Variants in SV2C observed in about 807,000 individuals in gnomAD.
SV2C encodes solute carrier family 22 member B3.
SV2C carries 49 observed loss-of-function variants against 79.7 expected under a neutral mutation model. The ratio of observed to expected loss-of-function variants is 0.61; its 90% confidence interval spans 0.49 to 0.78. The LOEUF (loss-of-function observed/expected upper bound fraction) is 0.78, where lower values mean the gene tolerates loss of function less well. Among genes scored for constraint, SV2C ranks in the 30% least tolerant of loss-of-function variants. The pLI is 0.00. For synonymous variants in SV2C, 334 were observed against 333.2 expected, an observed-to-expected ratio of 1.00 and a Z score of -0.03; for missense variants, 833 against 912.9, an observed-to-expected ratio of 0.91 and a Z score of 1.13.
intron 4 of SV2C, among the ~76,000 whole-genome samples, chr5:76,221,843 G>T (rs1745073522): frequency 6.6e-6 from 1 of 152,126 alleles, no homozygotes; most frequent in African/African-American, 2.4e-5. Context: ...ACATACAGAA[G>T]AGACAAAGGC....
chr5:76,226,674 AT>A (rs1745256829), intron 4 of SV2C, among the ~76,000 whole-genome samples: 1 of 152,208 alleles, frequency 6.6e-6, no homozygotes, highest in South Asian at 2.1e-4. Flanking sequence ...TTGGCAGCTA[AT>A]TCAGGAAGTT....
intron 4 of SV2C, among the ~76,000 whole-genome samples, chr5:76,284,113 A>G (rs1747275354): frequency 6.6e-6 from 1 of 152,136 alleles, no homozygotes; most frequent in Non-Finnish European, 1.5e-5. Flanking sequence ...ATGCCTCATT[A>G]TTTCTCATTT....
At chr5:76,030,883 T>G in the SV2C span, among the ~76,000 whole-genome samples, 7 of 152,136 alleles carry the variant, frequency 4.6e-5, no homozygotes, top group Non-Finnish European at 8.8e-5. Flanking sequence ...GGGGTGATAT[T>G]CAAAATACCT....
intron 4 of SV2C, among the ~76,000 whole-genome samples, chr5:76,223,120 C>G (rs1005962325): frequency 3.3e-5 from 5 of 152,058 alleles, no homozygotes; most frequent in African/African-American, 1.2e-4. Flanking sequence ...GCCAAGCATT[C>G]AGAGACCTAA....
At chr5:76,089,978 A>G (rs1747320573) in intron 1 of SV2C, among the ~76,000 whole-genome samples, 1 of 152,216 alleles carries the variant, frequency 6.6e-6, no homozygotes, top group Non-Finnish European at 1.5e-5. Flanking sequence ...TTGTCTCCAT[A>G]TGTATCTTGT....
At chr5:76,340,924 A>AT (rs56102200) in intron 12 of SV2C, among the ~76,000 whole-genome samples, 38,101 of 111,738 alleles carry the variant, frequency 0.34, 7,544 homozygotes, top group East Asian at 0.84. Flanking sequence ...GTTTTACAAA[A>AT]TTTTTTTTTT....
At chr5:75,936,227 G>C in the SV2C span, among the ~76,000 whole-genome samples, 918 of 152,226 alleles carry the variant, frequency 6.0e-3, 4 homozygotes, top group South Asian at 0.03. Flanking sequence ...CAGGTTCTTT[G>C]ACATCTATTT....
the SV2C span, among the ~76,000 whole-genome samples, chr5:76,034,590 G>A: frequency 6.6e-6 from 1 of 152,160 alleles, no homozygotes; most frequent in Non-Finnish European, 1.5e-5. Flanking sequence ...TGCATCCCAG[G>A]GATGAAGCCC....
chr5:75,925,924 G>A, the SV2C span, among the ~76,000 whole-genome samples: 1 of 152,016 alleles, frequency 6.6e-6, no homozygotes, highest in African/African-American at 2.4e-5. Context: ...TGAATCACTT[G>A]GGTTTCGTTG....
At chr5:76,186,990 T>C (rs1381447542) in intron 2 of SV2C, among the ~76,000 whole-genome samples, 1 of 152,194 alleles carries the variant, frequency 6.6e-6, no homozygotes, top group Non-Finnish European at 1.5e-5. Flanking sequence ...AGCCAGAGCA[T>C]ATCACCACTT....
At chr5:76,004,092 A>G in the SV2C span, among the ~76,000 whole-genome samples, 1 of 152,130 alleles carries the variant, frequency 6.6e-6, no homozygotes, top group African/African-American at 2.4e-5. Context: ...CAGGGACTCA[A>G]TCCCTATTCC....
At position 76,132,018 on chromosome 5, in the gene SV2C, G is replaced by A. The variant is rs1276291362; in HGVS notation, c.268G>A (p.Glu90Lys). 1 of 1,613,338 alleles carries A rather than the reference G, an allele frequency of 6.2e-7. No individual in the cohort carries two copies. The highest frequency in any genetic ancestry group is 2.2e-5 in the East Asian group (1 of 44,828). The change falls in exon 2 of 13, where the codon GAG (glutamate) becomes AAG (lysine). Residue 90 changes from glutamate to lysine, a missense_variant. Transcript: ENST00000502798. ...GCATGATGAAGATGATGAGATCTAT[G>A]AGGGGGAGTATCAGGGCATCCCCAG... is the stretch of plus-strand genomic sequence containing the variant. ...EGHDEDDEIYEGEYQGIPSMN... is the reference protein window; with the variant it reads ...EGHDEDDEIYKGEYQGIPSMN...
intron 2 of SV2C, among the ~76,000 whole-genome samples, chr5:76,168,848 C>T (rs1743126681): frequency 6.6e-6 from 1 of 152,178 alleles, no homozygotes; most frequent in South Asian, 2.1e-4. Context: ...AAATCCCTGC[C>T]CCGCTCTTGA....
chr5:75,980,141 C>A, the SV2C span, among the ~76,000 whole-genome samples: 1 of 152,168 alleles, frequency 6.6e-6, no homozygotes, highest in South Asian at 2.1e-4. Context: ...TTCTCGGACA[C>A]ATACATCCTG....
chr5:75,953,049 T>C, the SV2C span, among the ~76,000 whole-genome samples: 1 of 151,992 alleles, frequency 6.6e-6, no homozygotes, highest in East Asian at 1.9e-4. Flanking sequence ...TTTATTTGGC[T>C]CATGATTCTG....
intron 2 of SV2C, among the ~76,000 whole-genome samples, chr5:76,168,486 A>G (rs1429717727): frequency 6.6e-6 from 1 of 152,146 alleles, no homozygotes; most frequent in East Asian, 1.9e-4. Context: ...GTAGCAGAAA[A>G]TGTGCTCATA....
At chr5:76,349,043 G>A (rs1014881775) in intron 12 of SV2C, among the ~76,000 whole-genome samples, 6 of 151,996 alleles carry the variant, frequency 3.9e-5, no homozygotes, top group African/African-American at 1.5e-4. Flanking sequence ...AATTTCCTGG[G>A]TCCATTTCCA....
At chr5:76,222,712 G>A (rs1186859599) in intron 4 of SV2C, among the ~76,000 whole-genome samples, 1 of 152,170 alleles carries the variant, frequency 6.6e-6, no homozygotes, top group Non-Finnish European at 1.5e-5. Flanking sequence ...GCAATCTTCT[G>A]TGAATCTATA....
chr5:76,178,327 G>A lies in SV2C; in HGVS notation c.581-16592G>A, dbSNP rs148945955. On this transcript the variant is annotated intron_variant, in intron 2 of 12. Coordinates refer to ENST00000502798, the MANE Select transcript of SV2C (RefSeq NM_014979.4). Reference sequence around the variant, plus strand: ...GCAGAATTTGCAGCTGTGTTGTACAGTCACCAAACATGCACACAGGAGACA... The same window carrying A: ...GCAGAATTTGCAGCTGTGTTGTACAATCACCAAACATGCACACAGGAGACA... Among the ~76,000 whole-genome samples, 162 of 152,344 alleles carry A rather than the reference G, an allele frequency of 1.1e-3. 1 individual carries two copies. Among genetic ancestry groups the A allele is most frequent in the African/African-American group, 3.8e-3 (159 of 41,584 alleles).
Sources: allele counts gnomAD v4.1 joint callset (sites outside exome capture counted in the v4.1 genomes callset), GRCh38; gene constraint gnomAD v4.1.1; transcripts MANE v1.5; gene names NCBI Gene and HGNC (gene_info 2026-07-23, HGNC 2026-07-21).